The following RAB38 variants were observed in gnomAD, a reference collection of about 807,000 sequenced individuals.
The protein encoded by RAB38 is RAB38, member RAS oncogene family.
RAB38 carries 15 observed loss-of-function variants against 18.4 expected under a neutral mutation model. The ratio of observed to expected loss-of-function variants is 0.82; its 90% CI spans 0.55 to 1.26. RAB38 has a LOEUF of 1.26. RAB38 is among the 50% of genes most tolerant of loss of function. RAB38 has a pLI of 0.00. For synonymous variants in RAB38, 101 were observed against 104.4 expected, an observed-to-expected ratio of 0.97 and a Z score of 0.20; for missense variants, 294 against 267.4, an observed-to-expected ratio of 1.10 and a Z score of -0.69.
At position 88,168,991 on chromosome 11, in the gene RAB38, T is replaced by G. The variant is rs569905379; in HGVS notation, c.202+6192A>C. ...TAGCCAATAGAAAAGAAAGATGTTC[T>G]GGGAAGATAAATTTGGCTTTGATAC... On this transcript the variant is annotated intron_variant, in intron 1 of 2. Coordinates refer to ENST00000243662, the MANE Select transcript of RAB38 (RefSeq NM_022337.3). 5.9e-5 allele frequency among the ~76,000 whole-genome samples: 9 copies of G among 152,316 alleles called. No individual in the cohort carries two copies. The South Asian group carries it at 1.9e-3, about 32-fold the overall frequency.
chr11:87,944,763 C>G, the RAB38 span, among the ~76,000 whole-genome samples: 3 of 152,074 alleles, frequency 2.0e-5, no homozygotes, highest in Non-Finnish European at 4.4e-5. Flanking sequence ...ACATATGGGA[C>G]TTCTCACACT....
chr11:88,075,502 A>T, the RAB38 span, among the ~76,000 whole-genome samples: 1 of 152,252 alleles, frequency 6.6e-6, no homozygotes, highest in Non-Finnish European at 1.5e-5. Flanking sequence ...GAAAATGGAA[A>T]TACAACGTAC....
At chr11:87,961,054 A>T in the RAB38 span, among the ~76,000 whole-genome samples, 4 of 152,150 alleles carry the variant, frequency 2.6e-5, no homozygotes, top group Non-Finnish European at 5.9e-5. Flanking sequence ...ATTCCATTTC[A>T]ATGTCTCTTT....
At chr11:87,896,445 G>A in the RAB38 span, among the ~76,000 whole-genome samples, 17 of 151,578 alleles carry the variant, frequency 1.1e-4, no homozygotes, top group Non-Finnish European at 3.0e-5. Flanking sequence ...AAACTGTTTC[G>A]AATTTGGGTG....
the RAB38 span, among the ~76,000 whole-genome samples, chr11:88,096,373 G>A: frequency 2.0e-5 from 3 of 151,726 alleles, no homozygotes; most frequent in Non-Finnish European, 2.9e-5. Context: ...CCGGTTCTCT[G>A]CTCAATTGTC....
At chr11:87,828,606 T>C in the RAB38 span, among the ~76,000 whole-genome samples, 3 of 152,296 alleles carry the variant, frequency 2.0e-5, no homozygotes, top group East Asian at 5.8e-4. Flanking sequence ...TAGGTTCTTC[T>C]TGCTCAGAGG....
At chr11:87,820,506 A>C in the RAB38 span, among the ~76,000 whole-genome samples, 39,416 of 152,174 alleles carry the variant, frequency 0.26, 6,513 homozygotes, top group African/African-American at 0.46. Context: ...AAAAGAAACA[A>C]AGCCACATAT....
At chr11:88,017,298 C>A in the RAB38 span, among the ~76,000 whole-genome samples, 2 of 151,372 alleles carry the variant, frequency 1.3e-5, no homozygotes, top group Non-Finnish European at 2.9e-5. Flanking sequence ...TGGAGAAAAT[C>A]CATTTAGTGA....
chr11:88,045,687 G>C, the RAB38 span, among the ~76,000 whole-genome samples: 4 of 152,200 alleles, frequency 2.6e-5, no homozygotes, highest in Non-Finnish European at 4.4e-5. Context: ...TGCCTCGGAA[G>C]CTTCCTGGAC....
chr11:87,970,896 A>T, the RAB38 span, among the ~76,000 whole-genome samples: 1 of 152,044 alleles, frequency 6.6e-6, no homozygotes, highest in East Asian at 1.9e-4. Flanking sequence ...AAACATTTAC[A>T]CAATTCTGGT....
chr11:88,127,518 G>A (rs1942713824), intron 2 of RAB38, among the ~76,000 whole-genome samples: 1 of 152,170 alleles, frequency 6.6e-6, no homozygotes, highest in Admixed American at 6.6e-5. Flanking sequence ...GTTAAGAGTA[G>A]AGGGGTTTGT....
At chr11:88,018,544 C>T in the RAB38 span, among the ~76,000 whole-genome samples, 1 of 152,128 alleles carries the variant, frequency 6.6e-6, no homozygotes, top group African/African-American at 2.4e-5. Flanking sequence ...TTTGAACCTA[C>T]TCCTGACATG....
the RAB38 span, among the ~76,000 whole-genome samples, chr11:88,025,839 G>C: frequency 6.6e-6 from 1 of 152,046 alleles, no homozygotes; most frequent in East Asian, 1.9e-4. Flanking sequence ...TTACTCTATT[G>C]ACAGTTTATT....
the RAB38 span, among the ~76,000 whole-genome samples, chr11:87,894,114 A>G: frequency 6.6e-6 from 1 of 151,650 alleles, no homozygotes. Context: ...ATAGTTGTCA[A>G]TGTGTAAATC....
At chr11:88,033,864 A>T in the RAB38 span, among the ~76,000 whole-genome samples, 1 of 151,046 alleles carries the variant, frequency 6.6e-6, no homozygotes, top group Non-Finnish European at 1.5e-5. Flanking sequence ...AGTAGCTGGG[A>T]CTACAGGCAG....
the RAB38 span, among the ~76,000 whole-genome samples, chr11:87,857,650 C>T: frequency 6.6e-6 from 1 of 152,098 alleles, no homozygotes; most frequent in Non-Finnish European, 1.5e-5. Flanking sequence ...CTTTTGGCTG[C>T]ATAAATGTCT....
the RAB38 span, among the ~76,000 whole-genome samples, chr11:88,028,438 A>C: frequency 2.0e-5 from 3 of 152,208 alleles, no homozygotes; most frequent in East Asian, 5.8e-4. Context: ...TCCGAGCTAC[A>C]GGAGGAAATT....
At chr11:87,933,449 A>G in the RAB38 span, among the ~76,000 whole-genome samples, 1 of 152,118 alleles carries the variant, frequency 6.6e-6, no homozygotes, top group East Asian at 1.9e-4. Flanking sequence ...GACTCAGTGC[A>G]GTTTAAAAAT....
the RAB38 span, among the ~76,000 whole-genome samples, chr11:88,032,156 C>A: frequency 0.021 from 3,173 of 151,892 alleles, 94 homozygotes; most frequent in African/African-American, 0.071. Flanking sequence ...ATAAATGGTG[C>A]TGGGAAAACT....
Sources: gnomAD v4.1 joint callset for allele counts (sites outside exome capture counted in the v4.1 genomes callset) on GRCh38, gnomAD v4.1.1 for gene constraint, MANE v1.5 for transcripts, NCBI Gene and HGNC (gene_info 2026-07-23, HGNC 2026-07-21) for gene names.